The following UCK1 variants were observed in gnomAD, a reference collection of about 807,000 sequenced individuals.
The protein encoded by UCK1 is cytidine monophosphokinase 1.
Under a neutral mutation model 34.0 loss-of-function variants are expected in UCK1, and 20 were observed. The observed-to-expected ratio is 0.59, with a 90% CI of 0.41 to 0.86. The LOEUF (loss-of-function observed/expected upper bound fraction) is 0.86, where lower values mean the gene tolerates loss of function less well. Ranked by LOEUF, UCK1 falls within the 40% of genes least tolerant of loss-of-function variation. The probability of loss-of-function intolerance (pLI) is 0.00; values close to 1 mark genes in which losing one functional copy is unlikely to be tolerated. For synonymous variants in UCK1, 168 were observed against 155.9 expected (o/e 1.08, Z -0.58); for missense variants, 343 against 383.6 (o/e 0.89, Z 0.88).
chr9:131,527,792 G>A lies in UCK1; in HGVS notation c.603+1152C>T, dbSNP rs188012741. 3.7e-3 allele frequency among the ~76,000 whole-genome samples: 566 copies of A among 152,218 alleles called. 3 individuals are homozygous for A. Among genetic ancestry groups the A allele is most frequent in the Non-Finnish European group, 6.7e-3 (453 of 68,000 alleles). On this transcript the variant is annotated intron_variant, in intron 5 of 6. Coordinates refer to ENST00000372215, the MANE Select transcript of UCK1 (RefSeq NM_031432.5). The stretch of plus-strand genomic sequence containing the variant: ...CTCGGGTTGCTGAGGTGGAAGGATC[G>A]CTTGAGCTTAGGAGGTCAAGACTGC...
In UCK1 at chr9:131,531,237, C is replaced by T. The variant is rs1329167893; in HGVS notation, c.-63G>A. The stretch of plus-strand genomic sequence containing the variant: ...GCCCCTTCCCCAGGCCCGGCGCGCC[C>T]GCCCAGCGCCGAGGTCGGAGGCAAC... On this transcript the variant is annotated 5_prime_UTR_variant, in exon 1 of 7. Coordinates refer to ENST00000372215, the MANE Select transcript of UCK1 (RefSeq NM_031432.5). 1 of 1,297,148 alleles carries T rather than the reference C, an allele frequency of 7.7e-7. No homozygotes were observed. The highest frequency in any genetic ancestry group is 3.2e-5 in the East Asian group (1 of 31,318). 80.4% of individuals were successfully genotyped at this position (1,297,148 alleles called of 1,614,324 possible).
At chr9:131,525,804 GC>G (rs1950582293) in intron 6 of UCK1, 124 bp downstream of exon 6, 1 of 1,014,534 alleles carries the variant, frequency 9.9e-7, no homozygotes, top group East Asian at 2.5e-5. Flanking sequence ...TTAACCCTGT[GC>G]CGCAGATCAA....
chr9:131,525,860 C>T, intron 6 of UCK1, 69 bp downstream of exon 6: 1 of 1,552,388 alleles, frequency 6.4e-7, no homozygotes, highest in Admixed American at 1.7e-5. Context: ...TAACTGCACA[C>T]TGGTGGAACT....
chr9:131,530,586 C>A lies in UCK1; in HGVS notation c.168G>T (p.Gln56His). 1.9e-6 allele frequency: 3 copies of A among 1,614,274 alleles called. No homozygotes were observed. The highest frequency in any genetic ancestry group is 2.5e-6 in the Non-Finnish European group (3 of 1,180,050). ...LLGQNEVEQRQRKVVILSQDR... is the reference protein window; with the variant it reads ...LLGQNEVEQRHRKVVILSQDR... ...CCTGGCTCAGGATGACCACCTTCCG[C>A]TGCCGCTGTTCCACCTCGTTCTGTC... is the stretch of plus-strand genomic sequence containing the variant. The change falls in exon 2 of 7, where the codon CAG (glutamine) becomes CAT (histidine). Residue 56 changes from glutamine to histidine, a missense_variant. Physicochemically the swap from Gln to His is conservative, Grantham distance 24 (BLOSUM62 0). Transcript: ENST00000372215.
intron 2 of UCK1, 150 bp downstream of exon 2, chr9:131,530,336 G>T: frequency 2.2e-6 from 2 of 922,112 alleles, no homozygotes; most frequent in South Asian, 1.6e-5. Context: ...TGACTTCACT[G>T]TGCAGCCAAC....
rs1588525820 is a variant in UCK1 at position 131,524,913 on chromosome 9, A to G, written c.*127T>C. 1 of 1,132,478 alleles carries G rather than the reference A, an allele frequency of 8.8e-7. No individual in the cohort carries two copies. Among genetic ancestry groups the G allele is most frequent in the East Asian group, 2.6e-5 (1 of 38,958 alleles). The allele number at this position is 1,132,478 out of a possible 1,614,324, so 70.2% of individuals were successfully genotyped here. Reference sequence around the variant, plus strand: ...CTGAGTTTCCACTCCTGAGTGAGGAAGGCCTCGCTGCTAACACTCCCCTGG... The same window carrying G: ...CTGAGTTTCCACTCCTGAGTGAGGAGGGCCTCGCTGCTAACACTCCCCTGG... On this transcript the variant is annotated 3_prime_UTR_variant, in exon 7 of 7. Coordinates refer to ENST00000372215, the MANE Select transcript of UCK1 (RefSeq NM_031432.5).
Position 131,529,127 on chromosome 9 carries a change from C to T in UCK1, c.508+1G>A. 6.2e-7 allele frequency: 1 copy of T among 1,613,732 alleles called. No homozygotes were observed. Among genetic ancestry groups the T allele is most frequent in the Non-Finnish European group, 8.5e-7 (1 of 1,179,866 alleles). ...GGCACGGAGGCCCGCGGCCGCCTTACCTCTTCGAGACAGCCTGACGTCGGA... is the reference window on the plus strand; with the variant it reads ...GGCACGGAGGCCCGCGGCCGCCTTATCTCTTCGAGACAGCCTGACGTCGGA... On this transcript the variant is annotated splice_donor_variant, in intron 4 of 6. Coordinates refer to ENST00000372215, the MANE Select transcript of UCK1 (RefSeq NM_031432.5). LOFTEE classifies it high-confidence loss of function.
intron 2 of UCK1, 73 bp from the exon 3 acceptor site, chr9:131,529,657 C>G: frequency 4.3e-6 from 6 of 1,383,674 alleles, no homozygotes; most frequent in Non-Finnish European, 6.1e-6. Context: ...CCTCTCTGCT[C>G]TGGGGTCAGC....
intron 5 of UCK1, 49 bp from the exon 6 acceptor site, chr9:131,526,026 G>C: frequency 6.2e-7 from 1 of 1,609,444 alleles, no homozygotes; most frequent in Non-Finnish European, 8.5e-7. Flanking sequence ...TCCTTCAAAG[G>C]TGATTTTAAG....
At position 131,524,069 on chromosome 9, in the gene UCK1, C is replaced by G. The variant is rs1286100298; in HGVS notation, c.*971G>C. The G allele has an allele frequency of 2.0e-5, 3 of 152,434 alleles. No homozygotes were observed. The East Asian group carries it at 5.8e-4, about 29-fold the overall frequency. 9.4% of individuals were successfully genotyped at this position (152,434 alleles called of 1,614,324 possible). On this transcript the variant is annotated 3_prime_UTR_variant, in exon 7 of 7. Transcript: ENST00000372215. ...GGGTGTTCACATGTGAGGCTGTGAG[C>G]TCCACATAGCACAAAGGAGGCTTGC...
chr9:131,525,217 G>A lies in UCK1; in HGVS notation c.657C>T (p.Ala219=), dbSNP rs1360110473. Residue 219 remains alanine (A), a synonymous_variant, in exon 7 of 7, where the codon GCC becomes GCT. Coordinates refer to ENST00000372215, the MANE Select transcript of UCK1 (RefSeq NM_031432.5). The stretch of plus-strand genomic sequence containing the variant: ...GGATGTGCTGCACGATCAGGTTGAT[G>A]GCAACTGCGCCAAGAGACAGACAAG... ...IIPRGVDNMV[A]INLIVQHIQD... The A allele has an allele frequency of 6.2e-7, 1 of 1,613,740 alleles. No individual in the cohort carries two copies. The highest frequency in any genetic ancestry group is 1.1e-5 in the South Asian group (1 of 91,070).
chr9:131,529,585 C>T lies in UCK1; in HGVS notation c.269-1G>A. ...TGCATCAAATCATTATCAAAGGCATCTGCAGGGTTGGAGACAAAGGCAAGA... is the reference window on the plus strand; with the variant it reads ...TGCATCAAATCATTATCAAAGGCATTTGCAGGGTTGGAGACAAAGGCAAGA... On this transcript the variant is annotated splice_acceptor_variant, in intron 2 of 6. Coordinates refer to ENST00000372215, the MANE Select transcript of UCK1 (RefSeq NM_031432.5). LOFTEE classifies it high-confidence loss of function. 1 of 1,614,158 alleles carries T rather than the reference C, an allele frequency of 6.2e-7. No individual in the cohort carries two copies.
chr9:131,526,063 G>C, intron 5 of UCK1, 86 bp from the exon 6 acceptor site: 2 of 1,528,668 alleles, frequency 1.3e-6, no homozygotes, highest in Non-Finnish European at 1.8e-6. Context: ...GCAACAGCAG[G>C]AGGGGCGGCC....
rs1031111878 is a variant in UCK1 at position 131,524,294 on chromosome 9, G to C, written c.*746C>G. ...TGCGTGGACGCTGTTCTCCAGCCGG[G>C]ACAGACCTGGCCTCCGCTGCCTTCT... is the stretch of plus-strand genomic sequence containing the variant. On this transcript the variant is annotated 3_prime_UTR_variant, in exon 7 of 7. Transcript: ENST00000372215. 1 of 152,386 alleles carries C rather than the reference G, an allele frequency of 6.6e-6. No individual in the cohort carries two copies. Among genetic ancestry groups the C allele is most frequent in the Admixed American group, 6.5e-5 (1 of 15,290 alleles). The allele number at this position is 152,386 out of a possible 1,614,324, so 9.4% of individuals were successfully genotyped here.
chr9:131,526,602 A>C (rs1950613892), intron 5 of UCK1: 8 of 1,002,346 alleles, frequency 8.0e-6, no homozygotes, highest in Non-Finnish European at 9.6e-6. Flanking sequence ...GGCTTTAGGG[A>C]AGGGGAAGCA....
chr9:131,525,960 A>G lies in UCK1; in HGVS notation c.621T>C (p.Asp207=), dbSNP rs866396139. The change falls in exon 6 of 7, where the codon GAT becomes GAC. Residue 207 remains aspartate, a synonymous_variant. Coordinates refer to ENST00000372215, the MANE Select transcript of UCK1 (RefSeq NM_031432.5). ...EFCLPTKKYA[D]VIIPRGVDNM... ...TGTCCACTCCTCGCGGGATGATCAC[A>G]TCGGCATACTTCTTTGTCTGTAAGG... The G allele has an allele frequency of 1.9e-5, 30 of 1,614,090 alleles. 1 individual carries two copies. In the Middle Eastern group the frequency reaches 3.5e-3, roughly 186 times the overall value.
rs138487020 is a variant in UCK1, at chr9:131,527,611, T to A, written c.603+1333A>T. ...CAGCCAATAGGCCAGGCATAGTGGC[T>A]CACACCTGTAATCTCAGCACTTTGG... On this transcript the variant is annotated intron_variant, in intron 5 of 6. Coordinates refer to ENST00000372215, the MANE Select transcript of UCK1 (RefSeq NM_031432.5). 7.7e-4 allele frequency among the ~76,000 whole-genome samples: 117 copies of A among 152,070 alleles called. 2 individuals carry two copies. The East Asian group carries it at 0.019, about 24-fold the overall frequency.
chr9:131,528,886 G>C (rs1950713540), intron 5 of UCK1, 58 bp downstream of exon 5: 3 of 1,592,162 alleles, frequency 1.9e-6, no homozygotes, highest in African/African-American at 1.3e-5. Flanking sequence ...CACAGTACTG[G>C]GTCCCATGTG....
At chr9:131,529,631 G>T in intron 2 of UCK1, 47 bp from the exon 3 acceptor site, 1 of 1,580,878 alleles carries the variant, frequency 6.3e-7, no homozygotes, top group Non-Finnish European at 8.7e-7. Flanking sequence ...CCCTCGTGCA[G>T]CGGACAGCAG....
Sources: gnomAD v4.1 joint callset for allele counts (sites outside exome capture counted in the v4.1 genomes callset) on GRCh38, gnomAD v4.1.1 for gene constraint, MANE v1.5 for transcripts, NCBI Gene and HGNC (gene_info 2026-07-23, HGNC 2026-07-21) for gene names.